Variants in ANXA13 observed in about 807,000 individuals in gnomAD.
ANXA13 encodes the protein annexin XIII.
A neutral mutation model predicts 46.6 loss-of-function variants in ANXA13; 36 were observed. That is an observed-to-expected ratio of 0.77 (90% CI 0.59 to 1.02). ANXA13 has a LOEUF of 1.02. ANXA13 is among the 50% of genes least tolerant of loss of function. ANXA13 has a pLI of 0.00. For missense variants in ANXA13, 417 were observed against 396.5 expected, an observed-to-expected ratio of 1.05 and a Z score of -0.44; for synonymous variants, 163 against 152.9, an observed-to-expected ratio of 1.07 and a Z score of -0.49.
intron 2 of ANXA13, among the ~76,000 whole-genome samples, chr8:123,709,769 T>A (rs1813620172): frequency 6.6e-6 from 1 of 152,194 alleles, no homozygotes; most frequent in Non-Finnish European, 1.5e-5. Context: ...TATGTGTGTA[T>A]ATATTTGAGA....
chr8:123,702,768 G>A (rs1168309162), intron 2 of ANXA13, 32 bp from the exon 3 acceptor site: 1 of 1,576,908 alleles, frequency 6.3e-7, no homozygotes, highest in Non-Finnish European at 8.7e-7. Flanking sequence ...CAAAGCCACA[G>A]TGAATAAGAA....
intron 2 of ANXA13, among the ~76,000 whole-genome samples, chr8:123,709,900 G>A (rs143290606): frequency 2.0e-5 from 3 of 152,134 alleles, no homozygotes; most frequent in African/African-American, 4.8e-5. Context: ...CTGGGACTAC[G>A]GGTGTGCACC....
intron 4 of ANXA13, among the ~76,000 whole-genome samples, chr8:123,698,079 G>A (rs1271216496): frequency 6.6e-6 from 1 of 152,212 alleles, no homozygotes; most frequent in South Asian, 2.1e-4. Flanking sequence ...CAGAAGAGCC[G>A]CAAAGTCAGG....
intron 1 of ANXA13, among the ~76,000 whole-genome samples, chr8:123,714,434 G>A (rs1374737237): frequency 6.6e-6 from 1 of 152,194 alleles, no homozygotes; most frequent in African/African-American, 2.4e-5. Flanking sequence ...GGCTCTTAGT[G>A]CCCATTTTGT....
chr8:123,693,346 C>T, intron 7 of ANXA13, 48 bp from the exon 8 acceptor site: 1 of 1,552,092 alleles, frequency 6.4e-7, no homozygotes, highest in Non-Finnish European at 8.9e-7. Flanking sequence ...TGTGAAAAGA[C>T]TGATTATGCA....
chr8:123,680,986 G>A lies in ANXA13; in HGVS notation c.*254C>T, dbSNP rs1813023955. On this transcript the variant is annotated 3_prime_UTR_variant, in exon 11 of 11. Transcript: ENST00000419625. ...TTCATTAGTGTTTAGAAAACATCCA[G>A]TTACCATGCTAAAAGAAAGTGAAGA... The A allele has an allele frequency of 2.4e-6, 1 of 425,176 alleles. No individual in the cohort carries two copies. Among genetic ancestry groups the A allele is most frequent in the Non-Finnish European group, 4.2e-6 (1 of 237,094 alleles). 26.3% of individuals were successfully genotyped at this position (425,176 alleles called of 1,614,324 possible).
chr8:123,699,553 C>T (rs1466167741), intron 3 of ANXA13, among the ~76,000 whole-genome samples: 3 of 152,348 alleles, frequency 2.0e-5, no homozygotes, highest in Non-Finnish European at 4.4e-5. Flanking sequence ...AGAAAACTAA[C>T]TACCTTCTCC....
chr8:123,706,927 T>G (rs577662139), intron 2 of ANXA13, among the ~76,000 whole-genome samples: 1 of 152,332 alleles, frequency 6.6e-6, no homozygotes, highest in East Asian at 1.9e-4. Context: ...TCCCCTCATC[T>G]GGAACACACC....
chr8:123,705,335 C>A (rs1813520135), intron 2 of ANXA13, among the ~76,000 whole-genome samples: 2 of 152,218 alleles, frequency 1.3e-5, no homozygotes, highest in African/African-American at 4.8e-5. Flanking sequence ...ACTTTAAATA[C>A]CTTTAGTGAT....
chr8:123,692,902 G>A (rs2129840493), intron 8 of ANXA13, among the ~76,000 whole-genome samples: 1 of 152,034 alleles, frequency 6.6e-6, no homozygotes, highest in South Asian at 2.1e-4. Context: ...TTCCAGCCTG[G>A]GTACTGCATC....
rs190125744 is a variant in ANXA13, at chr8:123,736,703, C to T, written c.15+617G>A. Among the ~76,000 whole-genome samples, 65 of 152,300 alleles carry T rather than the reference C, an allele frequency of 4.3e-4. 3 individuals are homozygous for T. The highest frequency in any genetic ancestry group is 1.9e-4 in the East Asian group (1 of 5,178). On this transcript the variant is annotated intron_variant, in intron 1 of 10. Transcript: ENST00000419625. ...TTTATACAAATTTGCTACAAACTAA[C>T]AGCTTTAGTTATACATTCTACAGAT...
intron 1 of ANXA13, chr8:123,735,717 G>T: frequency 1.3e-6 from 2 of 1,590,400 alleles, no homozygotes; most frequent in East Asian, 2.3e-5. Flanking sequence ...CAGAGCAGGG[G>T]TCATACCTAT....
At chr8:123,733,154 C>A (rs1432871945) in intron 1 of ANXA13, among the ~76,000 whole-genome samples, 37 of 151,788 alleles carry the variant, frequency 2.4e-4, no homozygotes. Context: ...CAGAGCAAGA[C>A]CCTGTCTCAA....
At chr8:123,696,072 T>C (rs1250601711) in intron 4 of ANXA13, among the ~76,000 whole-genome samples, 2 of 152,204 alleles carry the variant, frequency 1.3e-5, no homozygotes, top group Non-Finnish European at 2.9e-5. Context: ...TAACCCATGT[T>C]AGAAGTTCAG....
chr8:123,693,000 G>A (rs894158319), intron 8 of ANXA13, among the ~76,000 whole-genome samples, 197 bp downstream of exon 8: 9 of 152,030 alleles, frequency 5.9e-5, no homozygotes, highest in Admixed American at 3.3e-4. Context: ...TAGATGCCAG[G>A]GCCACCACCC....
At chr8:123,693,983 G>A (rs1813286680) in intron 6 of ANXA13, among the ~76,000 whole-genome samples, 1 of 151,174 alleles carries the variant, frequency 6.6e-6, no homozygotes, top group African/African-American at 2.4e-5. Context: ...GGCAACACTT[G>A]GTTTTGCCTT....
intron 1 of ANXA13, among the ~76,000 whole-genome samples, chr8:123,736,983 G>A (rs1814281387): frequency 6.6e-6 from 1 of 151,058 alleles, no homozygotes; most frequent in Admixed American, 6.6e-5. Context: ...TGAGTAGCTG[G>A]GACTACAGGC....
intron 8 of ANXA13, among the ~76,000 whole-genome samples, chr8:123,691,726 T>C (rs1263819319): frequency 6.6e-6 from 1 of 152,224 alleles, no homozygotes; most frequent in Non-Finnish European, 1.5e-5. Context: ...CTAACACAGA[T>C]GGTCAGGCCC....
At chr8:123,736,847 CTTT>C (rs34405438) in intron 1 of ANXA13, among the ~76,000 whole-genome samples, 1 of 113,448 alleles carries the variant, frequency 8.8e-6, no homozygotes, top group Non-Finnish European at 1.7e-5. Flanking sequence ...ATCCCCAGTG[CTTT>C]TTTTTTTTTT....
Sources: allele counts gnomAD v4.1 joint callset (sites outside exome capture counted in the v4.1 genomes callset), GRCh38; gene constraint gnomAD v4.1.1; transcripts MANE v1.5; gene names NCBI Gene and HGNC (gene_info 2026-07-23, HGNC 2026-07-21).